Variants in MLLT10 observed in about 807,000 individuals in gnomAD.
MLLT10 encodes the protein MLLT10 histone lysine methyltransferase DOT1L cofactor, also known as protein AF-10.
In MLLT10, 30 loss-of-function variants were observed where a neutral mutation model predicts 129.1. The observed-to-expected ratio is 0.23, with a 90% confidence interval of 0.17 to 0.32. MLLT10 has a LOEUF of 0.32. MLLT10 is among the 10% of genes least tolerant of loss of function. The probability of loss-of-function intolerance (pLI) is 1.00; values close to 1 mark genes in which losing one functional copy is unlikely to be tolerated. For synonymous variants in MLLT10, 490 were observed against 446.4 expected (o/e 1.10, Z -1.23); for missense variants, 1,119 against 1,268.3 (o/e 0.88, Z 1.79).
upstream of MLLT10, among the ~76,000 whole-genome samples, chr10:21,533,900 A>C (rs2033265599): frequency 6.6e-6 from 1 of 152,118 alleles, no homozygotes; most frequent in African/African-American, 2.4e-5. Flanking sequence ...CGATTCTGAG[A>C]AAACCCCTTC....
intron 13 of MLLT10, among the ~76,000 whole-genome samples, chr10:21,711,992 G>A (rs560004056): frequency 6.6e-6 from 1 of 152,246 alleles, no homozygotes; most frequent in East Asian, 1.9e-4. Context: ...CCAGGGCTTA[G>A]AATAATGCCT....
intron 13 of MLLT10, among the ~76,000 whole-genome samples, chr10:21,696,994 G>GAC (rs762949066): frequency 2.7e-5 from 4 of 148,512 alleles, no homozygotes; most frequent in Non-Finnish European, 4.4e-5. Flanking sequence ...TACATGAGTT[G>GAC]ACTCCCTAGC....
At chr10:21,614,363 G>A (rs1406119116) in intron 6 of MLLT10, among the ~76,000 whole-genome samples, 3 of 151,926 alleles carry the variant, frequency 2.0e-5, no homozygotes, top group African/African-American at 4.8e-5. Context: ...TGCAAATTTA[G>A]TCTTGAGTGA....
rs1404396332 is a variant in MLLT10, at chr10:21,743,313, A to T, written c.*1330A>T. ...TCATTTCTGTAAATAAAGTTTTGTG[A>T]ATCTGTTTTGTATTGTGACAAATTC... On this transcript the variant is annotated 3_prime_UTR_variant, in exon 23 of 23. Transcript: ENST00000307729. The T allele has an allele frequency of 9.0e-6, 2 of 222,582 alleles. No individual in the cohort carries two copies. Among genetic ancestry groups the T allele is most frequent in the Non-Finnish European group, 1.8e-5 (2 of 111,304 alleles). The allele number at this position is 222,582 out of a possible 1,614,324, so 13.8% of individuals were successfully genotyped here.
At chr10:21,699,935 C>T (rs1361123891) in intron 13 of MLLT10, among the ~76,000 whole-genome samples, 1 of 152,062 alleles carries the variant, frequency 6.6e-6, no homozygotes, top group African/African-American at 2.4e-5. Context: ...TTGATAAGGA[C>T]TGCATTGCAT....
At chr10:21,604,055 T>C (rs2043821897) in intron 5 of MLLT10, among the ~76,000 whole-genome samples, 1 of 152,150 alleles carries the variant, frequency 6.6e-6, no homozygotes, top group Non-Finnish European at 1.5e-5. Context: ...CATACATTTC[T>C]TGGGGACCAC....
chr10:21,614,979 A>C, intron 7 of MLLT10, 55 bp downstream of exon 7: 2 of 1,391,676 alleles, frequency 1.4e-6, no homozygotes, highest in Middle Eastern at 1.8e-4. Flanking sequence ...TGACAATAGA[A>C]TGACACTGTT....
rs557581879 is a variant in MLLT10, at chr10:21,563,522, A to G, written c.241-22772A>G. Among the ~76,000 whole-genome samples, 4 of 152,154 alleles carry G rather than the reference A, an allele frequency of 2.6e-5. No homozygotes were observed. The South Asian group carries it at 8.3e-4, about 32-fold the overall frequency. ...TGGGCGACAGAGTGAGACTCTGTCT[A>G]AAAACAGAACAAAACAACATGTAAC... On this transcript the variant is annotated intron_variant, in intron 3 of 22. Transcript: ENST00000307729.
chr10:21,652,155 G>C (rs186451744), intron 9 of MLLT10, among the ~76,000 whole-genome samples: 3 of 151,790 alleles, frequency 2.0e-5, no homozygotes, highest in African/African-American at 7.3e-5. Context: ...CTTGTGATCC[G>C]CCCACCTCAG....
At chr10:21,602,983 C>T (rs977054901) in intron 5 of MLLT10, among the ~76,000 whole-genome samples, 14 of 152,006 alleles carry the variant, frequency 9.2e-5, no homozygotes, top group African/African-American at 3.4e-4. Context: ...CCACCTGCCT[C>T]GGCCTCCCAA....
chr10:21,626,394 T>C (rs533502093), intron 8 of MLLT10: 19 of 619,760 alleles, frequency 3.1e-5, no homozygotes, highest in East Asian at 5.4e-5. Context: ...ATGATTCTTA[T>C]GTTTACATGG....
chr10:21,569,847 C>T (rs2040010298), intron 3 of MLLT10, among the ~76,000 whole-genome samples: 1 of 152,146 alleles, frequency 6.6e-6, no homozygotes, highest in African/African-American at 2.4e-5. Context: ...CTGCCTTAGC[C>T]TTCCCGAGTA....
intron 7 of MLLT10, 77 bp downstream of exon 7, chr10:21,615,001 A>G (rs531803355): frequency 8.5e-7 from 1 of 1,178,342 alleles, no homozygotes; most frequent in East Asian, 2.5e-5. Flanking sequence ...TATTAAAAAA[A>G]GCATATAACA....
chr10:21,717,780 GCTT>G lies in MLLT10; in HGVS notation c.1878+3848_1878+3850del, dbSNP rs139007268. On this transcript the variant is annotated intron_variant, in intron 14 of 22. Coordinates refer to ENST00000307729, the MANE Select transcript of MLLT10 (RefSeq NM_001195626.3). ...CTCCTCCTCCTCCGCTGCTGCTGCT[GCTT>G]CTTCTTCTTCTTCTTCTCCTTCTTC... Among the ~76,000 whole-genome samples, 203 of 51,484 alleles carry G rather than the reference GCTT, an allele frequency of 3.9e-3. 2 individuals carry two copies. Among genetic ancestry groups the G allele is most frequent in the Middle Eastern group, 0.016 (1 of 62 alleles). 33.8% of individuals were successfully genotyped at this position (51,484 alleles called of 152,430 possible). A position where few individuals can be genotyped will look rare whatever the true frequency, so the allele number is the denominator to read the frequency against.
chr10:21,534,821 C>T lies in MLLT10; in HGVS notation c.160+17C>T. 2.5e-6 allele frequency: 4 copies of T among 1,572,220 alleles called. No individual in the cohort carries two copies. The highest frequency in any genetic ancestry group is 3.5e-6 in the Non-Finnish European group (4 of 1,159,022). On this transcript the variant is annotated intron_variant, in intron 2 of 22. Transcript: ENST00000307729. ...TGCATCAAGGTAAACACCCAACCGC[C>T]CGCCGGGGCGCGCCGGCCTGCGCCC...
intron 2 of MLLT10, 141 bp downstream of exon 2, chr10:21,534,945 G>C (rs976972859): frequency 3.2e-5 from 12 of 374,746 alleles, no homozygotes; most frequent in Non-Finnish European, 4.4e-5. Flanking sequence ...CGGGGCGCGG[G>C]GGGTGTGGGC....
intron 8 of MLLT10, among the ~76,000 whole-genome samples, chr10:21,641,231 T>C (rs1374674499): frequency 6.6e-6 from 1 of 152,154 alleles, no homozygotes; most frequent in African/African-American, 2.4e-5. Context: ...TTACAGAGAA[T>C]GACAGAAGAC....
At chr10:21,632,561 C>T (rs756469766) in intron 8 of MLLT10, among the ~76,000 whole-genome samples, 3 of 152,112 alleles carry the variant, frequency 2.0e-5, no homozygotes, top group South Asian at 2.1e-4. Flanking sequence ...CTACTCAATT[C>T]GAGACACCAT....
At chr10:21,570,037 G>A (rs559123819) in intron 3 of MLLT10, among the ~76,000 whole-genome samples, 6 of 152,250 alleles carry the variant, frequency 3.9e-5, no homozygotes, top group Admixed American at 1.3e-4. Context: ...AGTCTCCTGA[G>A]TAGCTGGGAT....
Sources: allele counts gnomAD v4.1 joint callset (sites outside exome capture counted in the v4.1 genomes callset), GRCh38; gene constraint gnomAD v4.1.1; transcripts MANE v1.5; gene names NCBI Gene and HGNC (gene_info 2026-07-23, HGNC 2026-07-21).